Variants in SV2C observed in about 807,000 individuals in gnomAD.
SV2C encodes solute carrier family 22 member B3.
Under a neutral mutation model 79.7 loss-of-function variants are expected in SV2C, and 49 were observed. The ratio of observed to expected loss-of-function variants is 0.61; its 90% CI spans 0.49 to 0.78. The LOEUF (loss-of-function observed/expected upper bound fraction) is 0.78. SV2C is among the 30% of genes least tolerant of loss of function. SV2C has a pLI of 0.00. For missense variants in SV2C, 833 were observed against 912.9 expected, an observed-to-expected ratio of 0.91 and a Z score of 1.13; for synonymous variants, 334 against 333.2, an observed-to-expected ratio of 1.00 and a Z score of -0.03.
the SV2C span, among the ~76,000 whole-genome samples, chr5:76,044,739 C>T: frequency 2.6e-5 from 4 of 152,110 alleles, no homozygotes; most frequent in African/African-American, 9.7e-5. Context: ...ATGTCCTTTG[C>T]CCCCTTTTTA....
intron 9 of SV2C, among the ~76,000 whole-genome samples, chr5:76,296,474 CG>C (rs1224619587): frequency 6.6e-6 from 1 of 152,102 alleles, no homozygotes; most frequent in African/African-American, 2.4e-5. Context: ...CTTTGAAAGA[CG>C]GAAGGGTCTC....
intron 4 of SV2C, among the ~76,000 whole-genome samples, chr5:76,229,218 G>A (rs943034086): frequency 1.3e-5 from 2 of 152,214 alleles, no homozygotes; most frequent in African/African-American, 4.8e-5. Context: ...TCCTCACCCT[G>A]GTGCGGGACG....
chr5:75,972,017 T>C, the SV2C span, among the ~76,000 whole-genome samples: 5 of 152,022 alleles, frequency 3.3e-5, no homozygotes, highest in Non-Finnish European at 5.9e-5. Flanking sequence ...TCAGAAATAA[T>C]GCCGCATATC....
the SV2C span, among the ~76,000 whole-genome samples, chr5:76,010,313 G>C: frequency 1.3e-5 from 2 of 152,048 alleles, no homozygotes; most frequent in African/African-American, 4.8e-5. Flanking sequence ...CAGGGTGGGG[G>C]ATCACTCACC....
intron 4 of SV2C, among the ~76,000 whole-genome samples, chr5:76,272,882 G>A (rs1173885198): frequency 6.6e-6 from 1 of 151,942 alleles, no homozygotes; most frequent in Non-Finnish European, 1.5e-5. Context: ...ACAGACATCA[G>A]CTAATATAAT....
the SV2C span, among the ~76,000 whole-genome samples, chr5:76,008,945 G>A: frequency 3.9e-5 from 6 of 151,914 alleles, no homozygotes; most frequent in African/African-American, 1.5e-4. Flanking sequence ...AGGCCCTTCC[G>A]TGGATTCTTC....
At chr5:75,919,502 G>A in the SV2C span, among the ~76,000 whole-genome samples, 1 of 152,034 alleles carries the variant, frequency 6.6e-6, no homozygotes. Context: ...GCTGGTTCCC[G>A]TAACTTCCCC....
chr5:75,998,807 T>G, the SV2C span, among the ~76,000 whole-genome samples: 21 of 152,214 alleles, frequency 1.4e-4, no homozygotes, highest in South Asian at 4.2e-3. Context: ...ACTCTCATTC[T>G]CTTTGTCTTT....
At chr5:75,893,268 A>G in the SV2C span, among the ~76,000 whole-genome samples, 3 of 151,784 alleles carry the variant, frequency 2.0e-5, no homozygotes, top group Admixed American at 6.6e-5. Context: ...TTTCAATGGC[A>G]TTATTTGTTT....
At position 76,086,442 on chromosome 5, in the gene SV2C, T is replaced by C. The variant is rs78355803; in HGVS notation, c.-102+2930T>C. Among the ~76,000 whole-genome samples the C allele has an allele frequency of 2.9e-3, 448 of 152,306 alleles. 3 individuals carry two copies. Among genetic ancestry groups the C allele is most frequent in the South Asian group, 0.025 (120 of 4,832 alleles). ...CCAGATGACGGTAGATTTCTGTGAG[T>C]AGTGAAAGCAAAATGCCTCTTTTTC... On this transcript the variant is annotated intron_variant, in intron 1 of 12. Transcript: ENST00000502798.
At position 76,300,880 on chromosome 5, in the gene SV2C, G is replaced by A. The variant is rs1292174781; in HGVS notation, c.1788G>A (p.Gly596=). The stretch of plus-strand genomic sequence containing the variant: ...TGGGGACATTGGCAGTATTGCCAGG[G>A]AACATTGTGTCTGCTCTGCTGATGG... ...NFLGTLAVLP[G]NIVSALLMDR... is the part of the protein sequence containing the mutation. Residue 596 remains glycine (G), a synonymous_variant, in exon 11 of 13, where the codon GGG becomes GGA. Coordinates refer to ENST00000502798, the MANE Select transcript of SV2C (RefSeq NM_014979.4). 3 of 1,614,016 alleles carry A rather than the reference G, an allele frequency of 1.9e-6. No homozygotes were observed. The African/African-American group carries it at 4.0e-5, about 22-fold the overall frequency.
the SV2C span, among the ~76,000 whole-genome samples, chr5:75,896,643 A>G: frequency 6.6e-6 from 1 of 151,746 alleles, no homozygotes; most frequent in African/African-American, 2.4e-5. Context: ...GAATCGTCAC[A>G]CTGACTTCCA....
the SV2C span, among the ~76,000 whole-genome samples, chr5:76,026,201 AACACACACACAC>A: frequency 1.1e-4 from 15 of 140,138 alleles, no homozygotes; most frequent in South Asian, 4.8e-4. Flanking sequence ...CAAATTTACA[AACACACACACAC>A]ACACACACAC....
chr5:76,227,039 A>C (rs1745269883), intron 4 of SV2C, among the ~76,000 whole-genome samples: 1 of 152,186 alleles, frequency 6.6e-6, no homozygotes, highest in South Asian at 2.1e-4. Context: ...CAAGGAAAGG[A>C]AGGACCTCAG....
chr5:75,897,282 A>G, the SV2C span, among the ~76,000 whole-genome samples: 6 of 151,848 alleles, frequency 4.0e-5, no homozygotes, highest in Non-Finnish European at 7.3e-5. Flanking sequence ...AGCTTTCTAC[A>G]TATGGCTAGC....
chr5:75,990,249 G>A, the SV2C span, among the ~76,000 whole-genome samples: 4 of 151,878 alleles, frequency 2.6e-5, no homozygotes, highest in African/African-American at 9.7e-5. Flanking sequence ...GTATTGCTTA[G>A]ATTTCCTTCT....
the SV2C span, among the ~76,000 whole-genome samples, chr5:75,877,847 A>G: frequency 2.0e-5 from 3 of 151,930 alleles, no homozygotes; most frequent in Non-Finnish European, 2.9e-5. Context: ...TTATTTTTTG[A>G]CTTTTTAATC....
chr5:76,159,839 C>A (rs565464265), intron 2 of SV2C, among the ~76,000 whole-genome samples: 1 of 152,150 alleles, frequency 6.6e-6, no homozygotes, highest in African/African-American at 2.4e-5. Flanking sequence ...TCCAACATAT[C>A]TTTTTGATGG....
the SV2C span, among the ~76,000 whole-genome samples, chr5:76,053,721 T>C: frequency 6.6e-6 from 1 of 152,130 alleles, no homozygotes; most frequent in African/African-American, 2.4e-5. Flanking sequence ...TCTGTTAATG[T>C]TGAGATAAGC....
Sources: gnomAD v4.1 joint callset for allele counts (sites outside exome capture counted in the v4.1 genomes callset) on GRCh38, gnomAD v4.1.1 for gene constraint, MANE v1.5 for transcripts, NCBI Gene and HGNC (gene_info 2026-07-23, HGNC 2026-07-21) for gene names.